BANP: variants seen among roughly 807,000 people sequenced by gnomAD.
The protein encoded by BANP is protein BANP.
A neutral mutation model predicts 68.1 loss-of-function variants in BANP; 11 were observed. The observed-to-expected ratio is 0.16, with a 90% CI of 0.10 to 0.27. The LOEUF (loss-of-function observed/expected upper bound fraction) is 0.27. BANP is among the 10% of genes least tolerant of loss of function. BANP has a pLI of 1.00. For synonymous variants in BANP, 329 were observed against 303.2 expected (o/e 1.09, Z -0.88); for missense variants, 504 against 722.7 (o/e 0.70, Z 3.47).
chr16:88,001,934 A>G (rs556390120), intron 4 of BANP, among the ~76,000 whole-genome samples: 1 of 152,192 alleles, frequency 6.6e-6, no homozygotes, highest in African/African-American at 2.4e-5. Context: ...AAAAAAACAA[A>G]AAAAAAAAAA....
intron 9 of BANP, among the ~76,000 whole-genome samples, chr16:88,033,996 C>T (rs1286384675): frequency 6.6e-6 from 1 of 152,174 alleles, no homozygotes; most frequent in African/African-American, 2.4e-5. Context: ...CACCAGCCCC[C>T]TTGGGCCCTC....
At chr16:88,025,600 T>C (rs1268041271) in intron 7 of BANP, among the ~76,000 whole-genome samples, 1 of 152,170 alleles carries the variant, frequency 6.6e-6, no homozygotes, top group Admixed American at 6.5e-5. Context: ...ACAGACAGGT[T>C]GGTTGTGATT....
Position 88,076,832 on chromosome 16 carries a change from C to G in BANP, c.*171C>G. The G allele has an allele frequency of 1.7e-6, 1 of 586,464 alleles. No homozygotes were observed. The highest frequency in any genetic ancestry group is 2.9e-6 in the Non-Finnish European group (1 of 340,910). The allele number at this position is 586,464 out of a possible 1,614,324, so 36.3% of individuals were successfully genotyped here. A position where few individuals can be genotyped will look rare whatever the true frequency, so the allele number is the denominator to read the frequency against. ...GCATCCTATCAACTGAAAGAGCAGCCGCCGCCGCCCCCAGCCGGAGACCCC... is the reference window on the plus strand; with the variant it reads ...GCATCCTATCAACTGAAAGAGCAGCGGCCGCCGCCCCCAGCCGGAGACCCC... On this transcript the variant is annotated 3_prime_UTR_variant, in exon 14 of 14. Coordinates refer to ENST00000682872, the MANE Select transcript of BANP (RefSeq NM_001386991.1).
At chr16:88,066,334 G>A (rs998750312) in intron 12 of BANP, among the ~76,000 whole-genome samples, 2 of 152,152 alleles carry the variant, frequency 1.3e-5, no homozygotes, top group Admixed American at 6.5e-5. Flanking sequence ...ACCAGCAGGC[G>A]GTAATTTTAC....
rs59786663 is a variant in BANP, at chr16:87,976,474, G to GTTTTT, written c.70+1300_70+1304dup. Among the ~76,000 whole-genome samples the GTTTTT allele has an allele frequency of 8.0e-3, 768 of 95,946 alleles. 34 individuals are homozygous for GTTTTT. The highest frequency in any genetic ancestry group is 0.032 in the African/African-American group (712 of 22,016). The allele number at this position is 95,946 out of a possible 152,430, so 62.9% of individuals were successfully genotyped here. ...TTGTCCACACTTATTGTTTTAAAAA[G>GTTTTT]TTTTTTTTTTTTTTTGGCCATAAAG... On this transcript the variant is annotated intron_variant, in intron 2 of 13. Transcript: ENST00000682872.
intron 8 of BANP, among the ~76,000 whole-genome samples, chr16:88,032,105 C>T (rs1248373212): frequency 4.0e-5 from 6 of 149,926 alleles, no homozygotes; most frequent in African/African-American, 7.4e-5. Context: ...GCGCCTGGCC[C>T]GCTTCTCTTT....
intron 1 of BANP, among the ~76,000 whole-genome samples, chr16:87,973,775 GAAAA>G (rs2061556222): frequency 7.4e-6 from 1 of 135,356 alleles, no homozygotes; most frequent in Non-Finnish European, 1.6e-5. Context: ...AAAAAAAAAA[GAAAA>G]AAGAAAAAAA....
At chr16:88,066,233 A>G (rs1422167896) in intron 12 of BANP, among the ~76,000 whole-genome samples, 3 of 152,204 alleles carry the variant, frequency 2.0e-5, no homozygotes, top group African/African-American at 7.2e-5. Flanking sequence ...CTCTGAGATG[A>G]GGTTCACCAA....
chr16:88,048,921 G>C lies in BANP; in HGVS notation c.1311+10910G>C, dbSNP rs1395194142. Among the ~76,000 whole-genome samples, 3 of 152,280 alleles carry C rather than the reference G, an allele frequency of 2.0e-5. No individual in the cohort carries two copies. The East Asian group carries it at 5.8e-4, about 29-fold the overall frequency. On this transcript the variant is annotated intron_variant, in intron 11 of 13. Transcript: ENST00000682872. ...TGAAGTCAGTGTCTTCGTCAGGTGT[G>C]GGGTGCGGGGTCTTTGAGACTGCAC...
intron 1 of BANP, among the ~76,000 whole-genome samples, chr16:87,964,126 C>G (rs181007322): frequency 1.3e-4 from 20 of 152,328 alleles, no homozygotes; most frequent in Middle Eastern, 3.4e-3. Flanking sequence ...TTATTGAAAT[C>G]AGGACATGGG....
Position 87,968,010 on chromosome 16 carries a change from T to C in BANP, c.-68-7038T>C, listed in dbSNP as rs576828603. Among the ~76,000 whole-genome samples, 1,196 of 147,022 alleles carry C rather than the reference T, an allele frequency of 8.1e-3. 33 individuals carry two copies. Among genetic ancestry groups the C allele is most frequent in the Admixed American group, 0.059 (874 of 14,876 alleles). On this transcript the variant is annotated intron_variant, in intron 1 of 13. Transcript: ENST00000682872. ...CTCAGGTGATCCACCCGCCTTGGCC[T>C]CCCAAAGTGCTGGGATTACAGGCGT...
At chr16:87,991,251 A>G (rs1415047899) in intron 4 of BANP, among the ~76,000 whole-genome samples, 1 of 151,218 alleles carries the variant, frequency 6.6e-6, no homozygotes, top group South Asian at 2.1e-4. Flanking sequence ...CATACCTACA[A>G]CTTCGGGAAT....
chr16:87,964,938 A>G (rs1393815376), intron 1 of BANP, among the ~76,000 whole-genome samples: 1 of 152,094 alleles, frequency 6.6e-6, no homozygotes, highest in African/African-American at 2.4e-5. Context: ...AATTGAGACG[A>G]CCCCTTAGGG....
intron 4 of BANP, 133 bp downstream of exon 4, chr16:87,984,392 T>A: frequency 9.3e-7 from 1 of 1,079,508 alleles, no homozygotes; most frequent in Non-Finnish European, 1.3e-6. Context: ...TCTCAGCAGT[T>A]TCTAACTAAA....
upstream of BANP, chr16:87,951,405 T>A (rs1271274482): frequency 2.0e-5 from 3 of 150,424 alleles, no homozygotes; most frequent in Non-Finnish European, 4.4e-5. Context: ...GGGCCGAGCG[T>A]CGCGGGGAGG....
Position 87,988,407 on chromosome 16 carries a change from G to A in BANP, c.362+4148G>A, listed in dbSNP as rs1227595402. ...GCCTCCTGAGTAGCTGGGATTACAGGTGCAGGCCACCACGCCTGGCTAATT... is the reference window on the plus strand; with the variant it reads ...GCCTCCTGAGTAGCTGGGATTACAGATGCAGGCCACCACGCCTGGCTAATT... On this transcript the variant is annotated intron_variant, in intron 4 of 13. Coordinates refer to ENST00000682872, the MANE Select transcript of BANP (RefSeq NM_001386991.1). Among the ~76,000 whole-genome samples the A allele has an allele frequency of 2.6e-5, 4 of 151,964 alleles. No homozygotes were observed. In the South Asian group the frequency reaches 6.2e-4, roughly 24 times the overall value.
At chr16:88,034,064 C>T (rs1182012182) in intron 9 of BANP, among the ~76,000 whole-genome samples, 7 of 152,158 alleles carry the variant, frequency 4.6e-5, no homozygotes, top group African/African-American at 1.7e-4. Context: ...GAAACATGGT[C>T]CTCCACTATT....
intron 11 of BANP, among the ~76,000 whole-genome samples, chr16:88,044,437 A>C (rs1348969901): frequency 2.0e-5 from 3 of 152,246 alleles, no homozygotes; most frequent in South Asian, 4.1e-4. Context: ...GAACGGTATT[A>C]CTGCGTGCTG....
intron 12 of BANP, among the ~76,000 whole-genome samples, chr16:88,068,365 G>A (rs1239198413): frequency 6.6e-6 from 1 of 152,236 alleles, no homozygotes; most frequent in East Asian, 1.9e-4. Context: ...GGAGTTACCA[G>A]TCAAGTCCCT....
Sources: gnomAD v4.1 joint callset for allele counts (sites outside exome capture counted in the v4.1 genomes callset) on GRCh38, gnomAD v4.1.1 for gene constraint, MANE v1.5 for transcripts, NCBI Gene and HGNC (gene_info 2026-07-23, HGNC 2026-07-21) for gene names.